HNRNPH3: variants seen among roughly 807,000 people sequenced by gnomAD.
The protein encoded by HNRNPH3 is heterogeneous nuclear ribonucleoprotein 2H9.
A neutral mutation model predicts 47.0 loss-of-function variants in HNRNPH3; 7 were observed. The observed-to-expected ratio is 0.15, with a 90% CI of 0.08 to 0.28. The LOEUF (loss-of-function observed/expected upper bound fraction) is 0.28, where lower values mean the gene tolerates loss of function less well. Among genes scored for constraint, HNRNPH3 ranks in the 10% least tolerant of loss-of-function variants. The pLI, the probability that HNRNPH3 is intolerant of heterozygous loss-of-function variation, is 1.00. For synonymous variants in HNRNPH3, 120 were observed against 143.2 expected (o/e 0.84, Z 1.16); for missense variants, 279 against 449.6 (o/e 0.62, Z 3.43).
At chr10:68,338,296 A>C in intron 3 of HNRNPH3, 1 of 460,746 alleles carries the variant, frequency 2.2e-6, no homozygotes, top group East Asian at 3.3e-5. Context: ...AATATACTTT[A>C]TGAATTGTTT....
intron 1 of HNRNPH3, among the ~76,000 whole-genome samples, chr10:68,334,053 T>C (rs556218700): frequency 6.6e-6 from 1 of 151,426 alleles, no homozygotes; most frequent in Non-Finnish European, 1.5e-5. Context: ...AATAATGTTA[T>C]CTTTGATTTC....
chr10:68,342,082 G>C lies in HNRNPH3; in HGVS notation c.*28G>C. 6.5e-7 allele frequency: 1 copy of C among 1,542,736 alleles called. No homozygotes were observed. Among genetic ancestry groups the C allele is most frequent in the Admixed American group, 1.7e-5 (1 of 57,546 alleles). ...GCAAAAACACCAACATACAAGTCTTGACAACAGCATCTGGTCTACTAGACT... is the reference window on the plus strand; with the variant it reads ...GCAAAAACACCAACATACAAGTCTTCACAACAGCATCTGGTCTACTAGACT... On this transcript the variant is annotated 3_prime_UTR_variant, in exon 10 of 10. Coordinates refer to ENST00000265866, the MANE Select transcript of HNRNPH3 (RefSeq NM_012207.3).
chr10:68,342,047 T>C lies in HNRNPH3; in HGVS notation c.1034T>C (p.Met345Thr), dbSNP rs746760208. The change falls in exon 10 of 10, where the codon ATG (methionine) becomes ACG (threonine). Residue 345 changes from methionine to threonine, a missense_variant. Met to Thr is a moderately conservative substitution (Grantham distance 81). Coordinates refer to ENST00000265866, the MANE Select transcript of HNRNPH3 (RefSeq NM_012207.3). ...ATGAGTGGAGGTGGATGGCGTGGGATGTACTGAAAGCAAAAACACCAACAT... is the reference window on the plus strand; with the variant it reads ...ATGAGTGGAGGTGGATGGCGTGGGACGTACTGAAAGCAAAAACACCAACAT... ...GGMSGGGWRG[M>T]Y The C allele has an allele frequency of 6.8e-6, 11 of 1,612,884 alleles. No homozygotes were observed. The highest frequency in any genetic ancestry group is 8.5e-6 in the Non-Finnish European group (10 of 1,179,590).
chr10:68,340,127 C>T (rs1009407210), intron 6 of HNRNPH3, among the ~76,000 whole-genome samples: 6 of 152,062 alleles, frequency 3.9e-5, no homozygotes, highest in African/African-American at 1.4e-4. Context: ...CTCCACCTCC[C>T]GGGTTCAAGT....
chr10:68,333,598 A>T (rs2045349826), intron 1 of HNRNPH3, among the ~76,000 whole-genome samples: 1 of 152,198 alleles, frequency 6.6e-6, no homozygotes, highest in South Asian at 2.1e-4. Flanking sequence ...ACAAGGGAAT[A>T]AGCCTACTAA....
intron 6 of HNRNPH3, among the ~76,000 whole-genome samples, chr10:68,340,679 G>T (rs2045855889): frequency 6.6e-6 from 1 of 152,200 alleles, no homozygotes; most frequent in East Asian, 1.9e-4. Context: ...TTAAAACCTG[G>T]CTAACTTGTG....
chr10:68,342,146 T>C lies in HNRNPH3; in HGVS notation c.*92T>C. Reference sequence around the variant, plus strand: ...AATTTCTTTTGTATTTTAAGAACTTTATAATGACTGAAGGAATGTGTTTTC... The same window carrying C: ...AATTTCTTTTGTATTTTAAGAACTTCATAATGACTGAAGGAATGTGTTTTC... On this transcript the variant is annotated 3_prime_UTR_variant, in exon 10 of 10. Transcript: ENST00000265866. 1.2e-6 allele frequency: 1 copy of C among 822,872 alleles called. No individual in the cohort carries two copies. The highest frequency in any genetic ancestry group is 2.8e-5 in the East Asian group (1 of 35,896). 51.0% of individuals were successfully genotyped at this position (822,872 alleles called of 1,614,324 possible). A position where few individuals can be genotyped will look rare whatever the true frequency, so the allele number is the denominator to read the frequency against.
chr10:68,334,730 C>A (rs1371709087), intron 1 of HNRNPH3, among the ~76,000 whole-genome samples: 1 of 152,182 alleles, frequency 6.6e-6, no homozygotes, highest in Non-Finnish European at 1.5e-5. Flanking sequence ...AAGCTATCCT[C>A]ATATTTTAAC....
intron 1 of HNRNPH3, among the ~76,000 whole-genome samples, chr10:68,333,843 A>G (rs1429611693): frequency 6.6e-6 from 1 of 152,232 alleles, no homozygotes; most frequent in East Asian, 1.9e-4. Context: ...CTTTCTCAAG[A>G]TTGCCAAGGA....
At chr10:68,335,882 A>G (rs749868443) in intron 1 of HNRNPH3, among the ~76,000 whole-genome samples, 1 of 152,190 alleles carries the variant, frequency 6.6e-6, no homozygotes, top group Non-Finnish European at 1.5e-5. Flanking sequence ...GTGCATAACA[A>G]GTAGTTGTAA....
chr10:68,333,899 C>T (rs1373500422), intron 1 of HNRNPH3, among the ~76,000 whole-genome samples: 1 of 152,186 alleles, frequency 6.6e-6, no homozygotes, highest in African/African-American at 2.4e-5. Flanking sequence ...TTGAGTGACC[C>T]TTTGAAGAGA....
chr10:68,343,133 T>G lies in HNRNPH3; in HGVS notation c.*1079T>G, dbSNP rs550460075. 6.6e-6 allele frequency: 1 copy of G among 152,366 alleles called. No individual in the cohort carries two copies. The highest frequency in any genetic ancestry group is 2.1e-4 in the South Asian group (1 of 4,830). 9.4% of individuals were successfully genotyped at this position (152,366 alleles called of 1,614,324 possible). On this transcript the variant is annotated 3_prime_UTR_variant, in exon 10 of 10. Coordinates refer to ENST00000265866, the MANE Select transcript of HNRNPH3 (RefSeq NM_012207.3). ...AACCTGTTGATGTGAATTCAGTTAT[T>G]GAACTTGTTACTTGTTTTTGCCAGA...
At chr10:68,341,129 T>G in intron 6 of HNRNPH3, 45 bp from the exon 7 acceptor site, 1 of 1,383,512 alleles carries the variant, frequency 7.2e-7, no homozygotes, top group Non-Finnish European at 9.8e-7. Context: ...TAATTTACTT[T>G]AATATTCTCA....
chr10:68,335,164 A>G (rs950604638), intron 1 of HNRNPH3, among the ~76,000 whole-genome samples: 2 of 151,526 alleles, frequency 1.3e-5, no homozygotes, highest in Non-Finnish European at 2.9e-5. Context: ...CAAAAATCCA[A>G]TTGGCTTGCT....
At chr10:68,339,337 C>G in intron 5 of HNRNPH3, 103 bp from the exon 6 acceptor site, 1 of 1,536,652 alleles carries the variant, frequency 6.5e-7, no homozygotes, top group African/African-American at 1.4e-5. Flanking sequence ...AGACAAATTT[C>G]AGTGCATTCC....
At position 68,337,451 on chromosome 10, in the gene HNRNPH3, T is replaced by C. The variant is rs2045600275; in HGVS notation, c.112+118T>C. 1 of 649,376 alleles carries C rather than the reference T, an allele frequency of 1.5e-6. No homozygotes were observed. Among genetic ancestry groups the C allele is most frequent in the East Asian group, 2.7e-5 (1 of 36,510 alleles). 40.2% of individuals were successfully genotyped at this position (649,376 alleles called of 1,614,324 possible). Reference sequence around the variant, plus strand: ...GAACTTTTAAGTTTAACTATGATAGTCTTGGTTAATGTATTAAAATAATAT... The same window carrying C: ...GAACTTTTAAGTTTAACTATGATAGCCTTGGTTAATGTATTAAAATAATAT... On this transcript the variant is annotated intron_variant, in intron 2 of 9. Transcript: ENST00000265866. This position sits in a 1 kb window ranked among gnomAD's most constrained non-coding sequence, Gnocchi z 4.5.
In HNRNPH3 at chr10:68,337,706, ATCTT is replaced by A. The variant is rs1490326549; in HGVS notation, c.113-149_113-146del. 2.9e-6 allele frequency: 2 copies of A among 684,250 alleles called. No individual in the cohort carries two copies. Among genetic ancestry groups the A allele is most frequent in the East Asian group, 5.4e-5 (2 of 37,030 alleles). The allele number at this position is 684,250 out of a possible 1,614,324, so 42.4% of individuals were successfully genotyped here. A position where few individuals can be genotyped will look rare whatever the true frequency, so the allele number is the denominator to read the frequency against. On this transcript the variant is annotated intron_variant, in intron 2 of 9. Coordinates refer to ENST00000265866, the MANE Select transcript of HNRNPH3 (RefSeq NM_012207.3). This position sits in a 1 kb window ranked among gnomAD's most constrained non-coding sequence, Gnocchi z 4.5. Reference sequence around the variant, plus strand: ...ATTTAATCCAGTAATATTTGAAAAAATCTTTCATTTGTATTATGGGGTGATGGGA... The same window carrying A: ...ATTTAATCCAGTAATATTTGAAAAAATCATTTGTATTATGGGGTGATGGGA...
intron 1 of HNRNPH3, among the ~76,000 whole-genome samples, chr10:68,334,646 T>A (rs1031291161): frequency 2.0e-5 from 3 of 152,198 alleles, no homozygotes. Flanking sequence ...CAATATGTAG[T>A]CTTTTGTGAC....
Position 68,341,566 on chromosome 10 carries a change from C to G in HNRNPH3, c.776-19C>G. 1 of 1,525,258 alleles carries G rather than the reference C, an allele frequency of 6.6e-7. No individual in the cohort carries two copies. The highest frequency in any genetic ancestry group is 9.0e-7 in the Non-Finnish European group (1 of 1,108,818). The allele number at this position is 1,525,258 out of a possible 1,614,324, so 94.5% of individuals were successfully genotyped here. A position where few individuals can be genotyped will look rare whatever the true frequency, so the allele number is the denominator to read the frequency against. ...CATCATTCCTTTCTCCCCTGTTACT[C>G]TTTCTTTTTTTCTTAAAGAACATCG... is the stretch of plus-strand genomic sequence containing the variant. On this transcript the variant is annotated intron_variant, in intron 7 of 9. Transcript: ENST00000265866.
Sources: gnomAD v4.1 joint callset for allele counts (sites outside exome capture counted in the v4.1 genomes callset) on GRCh38, gnomAD v4.1.1 for gene constraint, Gnocchi (gnomAD v3.1) non-coding constraint, MANE v1.5 for transcripts, NCBI Gene and HGNC (gene_info 2026-07-23, HGNC 2026-07-21) for gene names.